The following AKAP13 variants were observed in gnomAD, a reference collection of about 807,000 sequenced individuals.
The protein encoded by AKAP13 is A-kinase anchoring protein 13, also known as A-kinase anchor protein 13.
AKAP13 carries 80 observed loss-of-function variants against 264.5 expected under a neutral mutation model. The ratio of observed to expected loss-of-function variants is 0.30; its 90% confidence interval spans 0.25 to 0.36. The LOEUF is 0.36. Ranked by LOEUF, AKAP13 falls within the 10% of genes least tolerant of loss-of-function variation. The pLI is 1.00. For synonymous variants in AKAP13, 1,380 were observed against 1,250.2 expected (o/e 1.10, Z -2.19); for missense variants, 3,712 against 3,435.2 (o/e 1.08, Z -2.01).
Position 85,732,767 on chromosome 15 carries a change from AAT to A in AKAP13, c.7282+2062_7282+2063del, listed in dbSNP as rs2088147155. On this transcript the variant is annotated intron_variant, in intron 30 of 36. Coordinates refer to ENST00000394518, the MANE Select transcript of AKAP13 (RefSeq NM_007200.5). Reference sequence around the variant, plus strand: ...AATAGTATTACTAATTACTATTGCTAATACTGTTAGTAATACTAATAGTATTA... The same window carrying A: ...AATAGTATTACTAATTACTATTGCTAACTGTTAGTAATACTAATAGTATTA... 2.0e-5 allele frequency among the ~76,000 whole-genome samples: 3 copies of A among 149,998 alleles called. No individual in the cohort carries two copies. The South Asian group carries it at 6.3e-4, about 31-fold the overall frequency.
chr15:85,491,936 C>T (rs373796099), intron 2 of AKAP13, among the ~76,000 whole-genome samples: 1 of 152,270 alleles, frequency 6.6e-6, no homozygotes, highest in Non-Finnish European at 1.5e-5. Context: ...AAAGCTGCAT[C>T]GTTACTTTCG....
intron 1 of AKAP13, among the ~76,000 whole-genome samples, chr15:85,417,946 TTATTTTAA>T (rs1162545187): frequency 2.0e-5 from 3 of 152,114 alleles, no homozygotes; most frequent in Non-Finnish European, 4.4e-5. Context: ...AAGGAGAAGT[TTATTTTAA>T]TATTTTAATT....
At chr15:85,555,978 T>G (rs2078129369) in intron 5 of AKAP13, among the ~76,000 whole-genome samples, 1 of 152,250 alleles carries the variant, frequency 6.6e-6, no homozygotes, top group Non-Finnish European at 1.5e-5. Context: ...CTGATAAATA[T>G]TACATCAGAC....
chr15:85,399,093 A>ATAATC (rs1464758421), intron 1 of AKAP13, among the ~76,000 whole-genome samples: 2 of 152,190 alleles, frequency 1.3e-5, no homozygotes, highest in Non-Finnish European at 2.9e-5. Flanking sequence ...CTGTTCATAG[A>ATAATC]TATTGTCAAG....
intron 1 of AKAP13, among the ~76,000 whole-genome samples, chr15:85,451,189 C>G (rs557133274): frequency 6.6e-6 from 1 of 151,720 alleles, no homozygotes; most frequent in South Asian, 2.1e-4. Context: ...TTTTGTGTTT[C>G]CCATTGCTTG....
In AKAP13 at chr15:85,628,571, G is replaced by A. The variant is rs190871399; in HGVS notation, c.4162-10803G>A. Among the ~76,000 whole-genome samples the A allele has an allele frequency of 1.9e-4, 29 of 152,296 alleles. No homozygotes were observed. In the East Asian group the frequency reaches 5.0e-3, roughly 26 times the overall value. On this transcript the variant is annotated intron_variant, in intron 8 of 36. Coordinates refer to ENST00000394518, the MANE Select transcript of AKAP13 (RefSeq NM_007200.5). ...TCTGCTTGAGCTTCTTGTGTTCTTAGAGACAGTGAGCCTCCTCAGGACATC... is the reference window on the plus strand; with the variant it reads ...TCTGCTTGAGCTTCTTGTGTTCTTAAAGACAGTGAGCCTCCTCAGGACATC...
chr15:85,533,306 G>A (rs1217467877), intron 3 of AKAP13, among the ~76,000 whole-genome samples: 1 of 152,176 alleles, frequency 6.6e-6, no homozygotes. Flanking sequence ...TTCAGAGCCT[G>A]TTCGGTTCCA....
chr15:85,582,820 T>G, intron 7 of AKAP13: 1 of 973,620 alleles, frequency 1.0e-6, no homozygotes, highest in Non-Finnish European at 1.2e-6. Flanking sequence ...ATGCAGGATT[T>G]CCGCCCAAGC....
chr15:85,583,206 G>C, intron 7 of AKAP13: 1 of 981,840 alleles, frequency 1.0e-6, no homozygotes, highest in Non-Finnish European at 1.2e-6. Context: ...TATTTTTGCT[G>C]TTCTTTTCAA....
chr15:85,505,226 A>G (rs1210910954), intron 2 of AKAP13, among the ~76,000 whole-genome samples: 3 of 152,138 alleles, frequency 2.0e-5, no homozygotes, highest in African/African-American at 2.4e-5. Context: ...CTCTAAAACT[A>G]CTCCATAGAC....
At chr15:85,549,919 CTGAT>C (rs199697951) in intron 5 of AKAP13, among the ~76,000 whole-genome samples, 7 of 151,972 alleles carry the variant, frequency 4.6e-5, no homozygotes, top group South Asian at 2.1e-4. Context: ...ATTGTCATCT[CTGAT>C]TGATTGATTG....
chr15:85,464,138 A>C (rs910061363), intron 1 of AKAP13, among the ~76,000 whole-genome samples: 1 of 152,180 alleles, frequency 6.6e-6, no homozygotes, highest in Non-Finnish European at 1.5e-5. Context: ...AAAGTCTGGC[A>C]TGCCTTCCTC....
chr15:85,511,090 G>T (rs188708881), intron 2 of AKAP13, among the ~76,000 whole-genome samples: 2 of 152,126 alleles, frequency 1.3e-5, no homozygotes, highest in Non-Finnish European at 2.9e-5. Context: ...TTCTTCAGAC[G>T]TCTCTCTTCC....
At chr15:85,660,973 T>C (rs2083315831) in intron 12 of AKAP13, among the ~76,000 whole-genome samples, 1 of 152,328 alleles carries the variant, frequency 6.6e-6, no homozygotes, top group Non-Finnish European at 1.5e-5. Flanking sequence ...ATGTGTCCAG[T>C]ATAGGTGTTT....
chr15:85,401,747 G>A (rs565763924), intron 1 of AKAP13, among the ~76,000 whole-genome samples: 19 of 152,322 alleles, frequency 1.2e-4, no homozygotes, highest in African/African-American at 3.8e-4. Context: ...CTGTCTTAGG[G>A]ATCTGGGATA....
intron 1 of AKAP13, chr15:85,415,758 C>T: frequency 3.3e-6 from 2 of 606,292 alleles, no homozygotes; most frequent in Non-Finnish European, 5.7e-6. Context: ...ATCTTTATCC[C>T]AAACATTTTA....
chr15:85,508,046 G>T (rs2076292952), intron 2 of AKAP13, among the ~76,000 whole-genome samples: 1 of 152,150 alleles, frequency 6.6e-6, no homozygotes, highest in Non-Finnish European at 1.5e-5. Flanking sequence ...TATCTTTACA[G>T]ATGGGTTTCA....
intron 1 of AKAP13, chr15:85,415,525 G>C: frequency 6.7e-7 from 1 of 1,503,344 alleles, no homozygotes; most frequent in Non-Finnish European, 9.2e-7. Context: ...CATCAGGAGT[G>C]GGATGGGAAG....
At chr15:85,713,744 A>G (rs2086760647) in intron 19 of AKAP13, among the ~76,000 whole-genome samples, 1 of 152,166 alleles carries the variant, frequency 6.6e-6, no homozygotes, top group African/African-American at 2.4e-5. Flanking sequence ...CATTGAGTCA[A>G]AGACATCCTG....
Sources: gnomAD v4.1 joint callset for allele counts (sites outside exome capture counted in the v4.1 genomes callset) on GRCh38, gnomAD v4.1.1 for gene constraint, MANE v1.5 for transcripts, NCBI Gene and HGNC (gene_info 2026-07-23, HGNC 2026-07-21) for gene names.